Variants in HCN1 observed in about 807,000 individuals in gnomAD.
The protein encoded by HCN1 is hyperpolarization activated cyclic nucleotide gated potassium channel 1, also known as potassium/sodium hyperpolarization-activated cyclic nucleotide-gated channel 1.
Under a neutral mutation model 78.9 loss-of-function variants are expected in HCN1, and 13 were observed. The ratio of observed to expected loss-of-function variants is 0.16; its 90% confidence interval spans 0.11 to 0.26. HCN1 has a LOEUF of 0.26. Among genes scored for constraint, HCN1 ranks in the 10% least tolerant of loss-of-function variants. HCN1 has a pLI of 1.00. For synonymous variants in HCN1, 552 were observed against 455.5 expected, an observed-to-expected ratio of 1.21 and a Z score of -2.70; for missense variants, 810 against 1,154.3, an observed-to-expected ratio of 0.70 and a Z score of 4.32.
intron 2 of HCN1, among the ~76,000 whole-genome samples, chr5:45,590,499 T>C (rs1206504825): frequency 6.6e-6 from 1 of 152,166 alleles, no homozygotes; most frequent in African/African-American, 2.4e-5. Flanking sequence ...CATTGACACT[T>C]TGTTATTACC....
At chr5:45,326,689 A>G (rs1746239412) in intron 5 of HCN1, among the ~76,000 whole-genome samples, 1 of 151,750 alleles carries the variant, frequency 6.6e-6, no homozygotes, top group South Asian at 2.1e-4. Flanking sequence ...GTAAAAGATC[A>G]GAGCAAGATG....
chr5:45,274,817 T>A (rs1213173568), intron 6 of HCN1, among the ~76,000 whole-genome samples: 3 of 152,174 alleles, frequency 2.0e-5, no homozygotes, highest in Non-Finnish European at 4.4e-5. Context: ...CCAGGGAAAA[T>A]TTATCTTTGT....
intron 2 of HCN1, among the ~76,000 whole-genome samples, chr5:45,534,605 T>C (rs953168934): frequency 4.6e-5 from 7 of 151,368 alleles, no homozygotes; most frequent in Non-Finnish European, 1.0e-4. Context: ...TAAAAGTTTA[T>C]GGAGGAAGAT....
chr5:45,542,903 A>G (rs1743135187), intron 2 of HCN1, among the ~76,000 whole-genome samples: 1 of 152,208 alleles, frequency 6.6e-6, no homozygotes, highest in Non-Finnish European at 1.5e-5. Context: ...TGTTTTTAGA[A>G]TATGTTTCAT....
In HCN1 at chr5:45,520,751, C is replaced by T. The variant is rs534545481; in HGVS notation, c.850-58744G>A. Reference sequence around the variant, plus strand: ...ATTGAGGACTTACATTATGGCAGAGCCTGTATAAAGTGCTGGTTTTACAAT... The same window carrying T: ...ATTGAGGACTTACATTATGGCAGAGTCTGTATAAAGTGCTGGTTTTACAAT... On this transcript the variant is annotated intron_variant, in intron 2 of 7. Coordinates refer to ENST00000303230, the MANE Select transcript of HCN1 (RefSeq NM_021072.4). Among the ~76,000 whole-genome samples the T allele has an allele frequency of 4.6e-5, 7 of 152,030 alleles. No individual in the cohort carries two copies. The South Asian group carries it at 1.5e-3, about 32-fold the overall frequency.
intron 5 of HCN1, among the ~76,000 whole-genome samples, chr5:45,337,163 G>A (rs2111960213): frequency 6.6e-6 from 1 of 152,100 alleles, no homozygotes; most frequent in Middle Eastern, 3.4e-3. Flanking sequence ...CTCCAAGTGA[G>A]CTCTGCATTG....
intron 2 of HCN1, among the ~76,000 whole-genome samples, chr5:45,489,283 G>T (rs1392562924): frequency 6.6e-6 from 1 of 152,138 alleles, no homozygotes; most frequent in Non-Finnish European, 1.5e-5. Flanking sequence ...GGGCATGTAG[G>T]ACAACTATAA....
chr5:45,480,223 C>T (rs1741619052), intron 2 of HCN1: 1 of 152,436 alleles, frequency 6.6e-6, no homozygotes, highest in African/African-American at 2.4e-5. Flanking sequence ...CATCTAGCAA[C>T]CTTTTCCATG....
chr5:45,679,559 G>T (rs1739662166), intron 1 of HCN1, among the ~76,000 whole-genome samples: 1 of 152,032 alleles, frequency 6.6e-6, no homozygotes, highest in Admixed American at 6.6e-5. Flanking sequence ...AAAAATGACA[G>T]TATTTCTAGT....
intron 3 of HCN1, among the ~76,000 whole-genome samples, chr5:45,398,159 A>G (rs959815165): frequency 6.6e-6 from 1 of 152,086 alleles, no homozygotes; most frequent in Non-Finnish European, 1.5e-5. Flanking sequence ...TTCAATAAAT[A>G]TTTAACTTAT....
rs548461383 is a variant in HCN1 at position 45,349,029 on chromosome 5, G to A, written c.1377+4071C>T. 2.4e-4 allele frequency among the ~76,000 whole-genome samples: 37 copies of A among 152,282 alleles called. 1 individual carries two copies. The highest frequency in any genetic ancestry group is 8.9e-4 in the African/African-American group (37 of 41,536). ...AGCTCTGCAGCAAGCGGACCTAATA[G>A]ACATCTACAGAACTCTCCACCCCAA... is the stretch of plus-strand genomic sequence containing the variant. On this transcript the variant is annotated intron_variant, in intron 5 of 7. Transcript: ENST00000303230.
intron 3 of HCN1, among the ~76,000 whole-genome samples, chr5:45,405,976 A>G (rs906498119): frequency 6.6e-5 from 10 of 152,174 alleles, no homozygotes; most frequent in Non-Finnish European, 1.0e-4. Context: ...TGCATTAAAT[A>G]GACTTATAAA....
intron 3 of HCN1, among the ~76,000 whole-genome samples, chr5:45,437,264 A>G (rs1740576970): frequency 6.6e-6 from 1 of 152,222 alleles, no homozygotes; most frequent in Non-Finnish European, 1.5e-5. Flanking sequence ...ATTGTATCAT[A>G]GCCATCAACA....
intron 2 of HCN1, among the ~76,000 whole-genome samples, chr5:45,550,486 G>C (rs373865494): frequency 1.7e-4 from 26 of 152,206 alleles, no homozygotes; most frequent in African/African-American, 5.5e-4. Context: ...TCACACACCG[G>C]TGCCTATTGT....
At chr5:45,690,817 C>T (rs1214990856) in intron 1 of HCN1, among the ~76,000 whole-genome samples, 1 of 152,016 alleles carries the variant, frequency 6.6e-6, no homozygotes, top group Non-Finnish European at 1.5e-5. Context: ...ATGCTCAGTA[C>T]TCTTCATGTA....
At chr5:45,493,305 A>C (rs899015026) in intron 2 of HCN1, among the ~76,000 whole-genome samples, 1 of 152,084 alleles carries the variant, frequency 6.6e-6, no homozygotes, top group Admixed American at 6.6e-5. Context: ...GAATAAAGAA[A>C]TAATGAGGCG....
chr5:45,346,548 A>G (rs1013063909), intron 5 of HCN1, among the ~76,000 whole-genome samples: 10 of 152,148 alleles, frequency 6.6e-5, no homozygotes, highest in Non-Finnish European at 1.5e-4. Flanking sequence ...GAGCGAGCTG[A>G]AGCAGGGCGA....
chr5:45,557,005 C>T (rs1029234482), intron 2 of HCN1, among the ~76,000 whole-genome samples: 2 of 151,926 alleles, frequency 1.3e-5, no homozygotes, highest in African/African-American at 4.8e-5. Context: ...TTTCGATTTC[C>T]GTTCTCTTGT....
intron 5 of HCN1, among the ~76,000 whole-genome samples, chr5:45,322,976 C>G (rs1746152791): frequency 6.6e-6 from 1 of 151,802 alleles, no homozygotes; most frequent in Non-Finnish European, 1.5e-5. Context: ...GCACTTGAAA[C>G]ACGGCTAGTG....
Sources: gnomAD v4.1 joint callset for allele counts (sites outside exome capture counted in the v4.1 genomes callset) on GRCh38, gnomAD v4.1.1 for gene constraint, MANE v1.5 for transcripts, NCBI Gene and HGNC (gene_info 2026-07-23, HGNC 2026-07-21) for gene names.